Variants in MPPED2 observed in about 807,000 individuals in gnomAD.
The protein encoded by MPPED2 is metallophosphoesterase domain containing 2.
In MPPED2, 5 loss-of-function variants were observed where a neutral mutation model predicts 33.0. The observed-to-expected ratio is 0.15, with a 90% CI of 0.08 to 0.32. The LOEUF (loss-of-function observed/expected upper bound fraction) is 0.32. MPPED2 is among the 10% of genes least tolerant of loss of function. The pLI is 1.00. For missense variants in MPPED2, 275 were observed against 372.1 expected (o/e 0.74, Z 2.15); for synonymous variants, 136 against 141.9 (o/e 0.96, Z 0.29).
At chr11:30,555,419 T>C (rs1955918300) in intron 2 of MPPED2, among the ~76,000 whole-genome samples, 2 of 152,200 alleles carry the variant, frequency 1.3e-5, no homozygotes, top group Admixed American at 1.3e-4. Context: ...CAGGCTACTG[T>C]TCACATGGTT....
intron 2 of MPPED2, among the ~76,000 whole-genome samples, chr11:30,579,328 T>C (rs1957066270): frequency 6.6e-6 from 1 of 152,124 alleles, no homozygotes; most frequent in South Asian, 2.1e-4. Context: ...TCAACAGAGC[T>C]CTAACCTCCT....
intron 4 of MPPED2, among the ~76,000 whole-genome samples, chr11:30,450,810 G>A (rs1057051390): frequency 6.6e-6 from 1 of 152,134 alleles, no homozygotes; most frequent in South Asian, 2.1e-4. Context: ...ACTCTGTATC[G>A]GGTACAGATA....
intron 3 of MPPED2, among the ~76,000 whole-genome samples, chr11:30,516,730 G>A (rs1953554901): frequency 6.6e-6 from 1 of 152,070 alleles, no homozygotes; most frequent in African/African-American, 2.4e-5. Context: ...CTGGAATTTT[G>A]AGAACCAAGT....
chr11:30,414,745 A>G (rs536533226), intron 5 of MPPED2, among the ~76,000 whole-genome samples: 1 of 152,264 alleles, frequency 6.6e-6, no homozygotes, highest in African/African-American at 2.4e-5. Context: ...AGATGATTCA[A>G]AGAAGGACTG....
intron 2 of MPPED2, among the ~76,000 whole-genome samples, chr11:30,574,028 A>G (rs1464540934): frequency 1.3e-5 from 2 of 152,180 alleles, no homozygotes; most frequent in African/African-American, 2.4e-5. Flanking sequence ...AAAAAGCTAC[A>G]GTAAGCTGTT....
chr11:30,574,927 A>T (rs1024402187), intron 2 of MPPED2, among the ~76,000 whole-genome samples: 1 of 152,176 alleles, frequency 6.6e-6, no homozygotes, highest in Admixed American at 6.5e-5. Flanking sequence ...ATCACCAGTA[A>T]TGTTATTTAT....
chr11:30,548,609 T>C (rs1449675331), intron 2 of MPPED2, among the ~76,000 whole-genome samples: 1 of 152,182 alleles, frequency 6.6e-6, no homozygotes, highest in African/African-American at 2.4e-5. Flanking sequence ...ATGAGAAATA[T>C]TGATGAAAGA....
At chr11:30,532,135 G>GC (rs1954561602) in intron 3 of MPPED2, among the ~76,000 whole-genome samples, 1 of 152,208 alleles carries the variant, frequency 6.6e-6, no homozygotes, top group South Asian at 2.1e-4. Context: ...CAGGGGTACA[G>GC]CATCTGGACC....
chr11:30,385,028 A>T (rs1048778040), exon 7 of MPPED2: 4 of 152,208 alleles, frequency 2.6e-5, no homozygotes, highest in African/African-American at 4.8e-5. Context: ...ATAGGGGGTG[A>T]GAGTCATTAT....
intron 2 of MPPED2, among the ~76,000 whole-genome samples, chr11:30,546,260 C>CCAAA (rs1406178547): frequency 1.3e-5 from 2 of 152,092 alleles, no homozygotes; most frequent in African/African-American, 4.8e-5. Flanking sequence ...TGGATTATTT[C>CCAAA]CAAACACTGC....
At chr11:30,472,802 C>A (rs1021926957) in intron 4 of MPPED2, among the ~76,000 whole-genome samples, 1 of 152,098 alleles carries the variant, frequency 6.6e-6, no homozygotes. Context: ...GTTGGAGAAG[C>A]TGGAAAAGTT....
At chr11:30,579,823 T>A (rs1957085624) in intron 2 of MPPED2, among the ~76,000 whole-genome samples, 1 of 109,534 alleles carries the variant, frequency 9.1e-6, no homozygotes, top group African/African-American at 3.8e-5. Flanking sequence ...TGGGGTGAGG[T>A]GTGGGAAAAA....
At chr11:30,564,241 G>A (rs1209243941) in intron 2 of MPPED2, among the ~76,000 whole-genome samples, 1 of 152,190 alleles carries the variant, frequency 6.6e-6, no homozygotes, top group East Asian at 1.9e-4. Flanking sequence ...CAGCTTTCAT[G>A]TATATCTATC....
intron 3 of MPPED2, among the ~76,000 whole-genome samples, chr11:30,523,257 G>A (rs921064202): frequency 2.6e-5 from 4 of 152,094 alleles, no homozygotes; most frequent in African/African-American, 4.8e-5. Context: ...CAAAAACCCA[G>A]GGGACAGATG....
intron 4 of MPPED2, among the ~76,000 whole-genome samples, chr11:30,493,038 G>C (rs192085035): frequency 4.6e-5 from 7 of 152,194 alleles, no homozygotes; most frequent in Non-Finnish European, 8.8e-5. Flanking sequence ...TCATTGTCGG[G>C]GTTGATTTTA....
chr11:30,406,665 A>G (rs1479797624), downstream of MPPED2, among the ~76,000 whole-genome samples: 2 of 152,330 alleles, frequency 1.3e-5, no homozygotes, highest in African/African-American at 4.8e-5. Flanking sequence ...ACAAACAAAC[A>G]CAGAAGCAAA....
chr11:30,478,173 G>A (rs958862519), intron 4 of MPPED2, among the ~76,000 whole-genome samples: 2 of 151,932 alleles, frequency 1.3e-5, no homozygotes, highest in Non-Finnish European at 2.9e-5. Flanking sequence ...ACTTGCTTCT[G>A]TGCACCTCCA....
intron 3 of MPPED2, chr11:30,501,571 G>A: frequency 7.4e-6 from 7 of 947,288 alleles, no homozygotes; most frequent in Non-Finnish European, 8.8e-6. Flanking sequence ...ACCAAAAAAT[G>A]TGCCGAGTGG....
At chr11:30,534,489 T>C (rs1344188195) in intron 3 of MPPED2, among the ~76,000 whole-genome samples, 1 of 152,194 alleles carries the variant, frequency 6.6e-6, no homozygotes, top group Non-Finnish European at 1.5e-5. Flanking sequence ...GAGATTATGC[T>C]AAATAATATT....
Sources: allele counts gnomAD v4.1 joint callset (sites outside exome capture counted in the v4.1 genomes callset), GRCh38; gene constraint gnomAD v4.1.1; transcripts MANE v1.5; gene names NCBI Gene and HGNC (gene_info 2026-07-23, HGNC 2026-07-21).